Variants in NPHP4 observed in about 807,000 individuals in gnomAD.
NPHP4 encodes the protein nephrocystin 4, also known as nephrocystin-4.
NPHP4 carries 151 observed loss-of-function variants against 155.8 expected under a neutral mutation model. That is an observed-to-expected ratio of 0.97 (90% CI 0.85 to 1.11). NPHP4 has a LOEUF of 1.11. Ranked by LOEUF, NPHP4 falls within the 50% of genes least tolerant of loss-of-function variation. NPHP4 has a pLI of 0.00. For synonymous variants in NPHP4, 845 were observed against 816.8 expected, an observed-to-expected ratio of 1.03 and a Z score of -0.59; for missense variants, 1,956 against 1,925.7, an observed-to-expected ratio of 1.02 and a Z score of -0.29.
chr1:5,983,223 T>C (rs956475010), intron 2 of NPHP4, among the ~76,000 whole-genome samples: 6 of 152,214 alleles, frequency 3.9e-5, no homozygotes, highest in Non-Finnish European at 8.8e-5. Flanking sequence ...TAGTTCCCTT[T>C]AGTTCTGTCC....
In NPHP4 at chr1:5,863,938, C is replaced by T. The variant is rs376078165; in HGVS notation, c.4092G>A (p.Leu1364=). ...NPYPSRRTFH[L]HSDHPELLRF... ...GCAGCAGCTCCGGGTGGTCGCTGTG[C>T]AGGTGGAATGTCCTCCGGGAGGGGT... Residue 1364 remains leucine, a synonymous_variant, in exon 29 of 30, where the codon CTG becomes CTA. Coordinates refer to ENST00000378156, the MANE Select transcript of NPHP4 (RefSeq NM_015102.5). 6.8e-6 allele frequency: 11 copies of T among 1,613,904 alleles called. No homozygotes were observed. In the African/African-American group the frequency reaches 1.5e-4, roughly 22 times the overall value.
At chr1:5,868,850 GCA>G (rs1491543747) in intron 23 of NPHP4, among the ~76,000 whole-genome samples, 12 of 75,198 alleles carry the variant, frequency 1.6e-4, no homozygotes, top group East Asian at 7.6e-4. Context: ...ACACACGCAT[GCA>G]CACACATACA....
At chr1:5,899,239 G>C (rs1239865750) in intron 16 of NPHP4, among the ~76,000 whole-genome samples, 1 of 152,176 alleles carries the variant, frequency 6.6e-6, no homozygotes, top group East Asian at 1.9e-4. Context: ...GCACTATGCA[G>C]AAGAGCCAAA....
At chr1:5,962,757 G>A (rs1187969804) in intron 5 of NPHP4, among the ~76,000 whole-genome samples, 1 of 152,254 alleles carries the variant, frequency 6.6e-6, no homozygotes, top group Non-Finnish European at 1.5e-5. Flanking sequence ...AGACTCTGGA[G>A]AAATGACACC....
intron 25 of NPHP4, among the ~76,000 whole-genome samples, chr1:5,866,731 C>CT (rs1213281315): frequency 6.6e-6 from 1 of 152,168 alleles, no homozygotes; most frequent in Non-Finnish European, 1.5e-5. Flanking sequence ...TTGCCTTATC[C>CT]TTTACATAAT....
chr1:5,980,635 C>T (rs918361359), intron 2 of NPHP4, among the ~76,000 whole-genome samples: 1 of 152,032 alleles, frequency 6.6e-6, no homozygotes. Flanking sequence ...AAGCAGGCAC[C>T]GCTGGGCTCT....
At chr1:5,873,627 G>A in intron 22 of NPHP4, 2 of 511,874 alleles carry the variant, frequency 3.9e-6, no homozygotes, top group East Asian at 7.1e-5. Context: ...ATGGCATCCT[G>A]TGAGTGAGCC....
At chr1:5,943,951 A>AT (rs1212546352) in intron 9 of NPHP4, among the ~76,000 whole-genome samples, 1 of 152,144 alleles carries the variant, frequency 6.6e-6, no homozygotes, top group Non-Finnish European at 1.5e-5. Context: ...CATGAGCGAT[A>AT]AATTGGGGGT....
intron 26 of NPHP4, chr1:5,866,098 C>A: frequency 3.9e-6 from 2 of 507,246 alleles, no homozygotes. Context: ...GTGGCCCTTG[C>A]CACTATCTGG....
chr1:5,989,676 T>C (rs1268614518), intron 1 of NPHP4, among the ~76,000 whole-genome samples: 3 of 152,228 alleles, frequency 2.0e-5, no homozygotes, highest in Non-Finnish European at 4.4e-5. Context: ...CAGGCCGTGA[T>C]GGCCCCAGGT....
chr1:5,871,994 T>G (rs886643099), intron 23 of NPHP4, among the ~76,000 whole-genome samples: 1 of 148,868 alleles, frequency 6.7e-6, no homozygotes, highest in African/African-American at 2.4e-5. Flanking sequence ...GAGATCATAT[T>G]TCTGACGTAA....
intron 20 of NPHP4, chr1:5,876,878 T>C (rs957334124): frequency 1.4e-4 from 56 of 401,766 alleles, no homozygotes; most frequent in African/African-American, 9.7e-4. Flanking sequence ...TCTCCAGGGG[T>C]GACGCCCAAG....
chr1:5,867,569 G>A lies in NPHP4; in HGVS notation c.3472+171C>T. The stretch of plus-strand genomic sequence containing the variant: ...CCTAGTCATCTCAGAGGTGGCAAGA[G>A]GGACACCGTTTCAAACCATAAAGGC... On this transcript the variant is annotated intron_variant, in intron 24 of 29. Coordinates refer to ENST00000378156, the MANE Select transcript of NPHP4 (RefSeq NM_015102.5). This position sits in a 1 kb window ranked among gnomAD's most constrained non-coding sequence, Gnocchi z 4.1. 1 of 690,964 alleles carries A rather than the reference G, an allele frequency of 1.4e-6. No individual in the cohort carries two copies. The highest frequency in any genetic ancestry group is 2.4e-6 in the Non-Finnish European group (1 of 419,214). The allele number at this position is 690,964 out of a possible 1,614,324, so 42.8% of individuals were successfully genotyped here.
At chr1:5,971,178 C>T (rs1016905963) in intron 3 of NPHP4, among the ~76,000 whole-genome samples, 3 of 152,234 alleles carry the variant, frequency 2.0e-5, no homozygotes, top group East Asian at 1.9e-4. Flanking sequence ...CCTGCCGCTA[C>T]GGGCATGTCC....
intron 9 of NPHP4, among the ~76,000 whole-genome samples, chr1:5,939,451 G>T (rs1404447666): frequency 6.6e-6 from 1 of 152,234 alleles, no homozygotes; most frequent in Non-Finnish European, 1.5e-5. Context: ...CGGCTGGCAT[G>T]TGGGCACTGC....
At chr1:5,960,500 ACT>A (rs1257841948) in intron 6 of NPHP4, among the ~76,000 whole-genome samples, 1 of 151,770 alleles carries the variant, frequency 6.6e-6, no homozygotes, top group African/African-American at 2.4e-5. Context: ...AATGAGCCAA[ACT>A]CTCAGCACAG....
At position 5,867,955 on chromosome 1, in the gene NPHP4, T is replaced by A; in HGVS notation, c.3316-59A>T. On this transcript the variant is annotated intron_variant, in intron 23 of 29. Coordinates refer to ENST00000378156, the MANE Select transcript of NPHP4 (RefSeq NM_015102.5). This position sits in a 1 kb window ranked among gnomAD's most constrained non-coding sequence, Gnocchi z 4.1. ...CACGAGGCTTGTGAGCAGCTTCTTG[T>A]CCCTCCTTAGACAGCACACGTATCT... 6.3e-7 allele frequency: 1 copy of A among 1,580,510 alleles called. No homozygotes were observed. Among genetic ancestry groups the A allele is most frequent in the Middle Eastern group, 1.7e-4 (1 of 6,020 alleles).
chr1:5,880,214 TCTCA>T lies in NPHP4; in HGVS notation c.2507_2510del (p.Val836GlufsTer56), dbSNP rs1193917205. The T allele has an allele frequency of 1.2e-6, 2 of 1,613,578 alleles. No individual in the cohort carries two copies. The highest frequency in any genetic ancestry group is 1.1e-5 in the South Asian group (1 of 90,964). On this transcript the variant is annotated frameshift_variant, in exon 19 of 30. Transcript: ENST00000378156. LOFTEE classifies it high-confidence loss of function. ...TGGACGGTGGCAATGTGCTACAACCTCTCACTTTCTGTTCACACGGGTGACCTAC... is the reference window on the plus strand; with the variant it reads ...TGGACGGTGGCAATGTGCTACAACCTCTTTCTGTTCACACGGGTGACCTAC...
At chr1:5,988,996 C>T (rs1365677868) in intron 1 of NPHP4, among the ~76,000 whole-genome samples, 2 of 152,182 alleles carry the variant, frequency 1.3e-5, no homozygotes, top group African/African-American at 2.4e-5. Context: ...CTATTTTTGT[C>T]GCTCAACTTC....
Sources: allele counts gnomAD v4.1 joint callset (sites outside exome capture counted in the v4.1 genomes callset), GRCh38; gene constraint gnomAD v4.1.1; non-coding constraint Gnocchi (gnomAD v3.1); transcripts MANE v1.5; gene names NCBI Gene and HGNC (gene_info 2026-07-23, HGNC 2026-07-21).